Variants in CDH23 observed in about 807,000 individuals in gnomAD.
CDH23 encodes the protein cadherin-23.
CDH23 carries 189 observed loss-of-function variants against 317.1 expected under a neutral mutation model. That is an observed-to-expected ratio of 0.60 (90% CI 0.53 to 0.67). The LOEUF (loss-of-function observed/expected upper bound fraction) is 0.67, where lower values mean the gene tolerates loss of function less well. Ranked by LOEUF, CDH23 falls within the 30% of genes least tolerant of loss-of-function variation. The probability of loss-of-function intolerance (pLI) is 0.00; values close to 1 mark genes in which losing one functional copy is unlikely to be tolerated. For synonymous variants in CDH23, 1,839 were observed against 1,876.8 expected (o/e 0.98, Z 0.52); for missense variants, 4,401 against 4,592.4 (o/e 0.96, Z 1.20).
intron 22 of CDH23, among the ~76,000 whole-genome samples, chr10:71,698,745 C>T (rs1453249178): frequency 2.0e-5 from 3 of 152,222 alleles, no homozygotes; most frequent in Admixed American, 2.0e-4. Context: ...GTAGCTCTGA[C>T]CCCTCTCCAA....
chr10:71,483,264 C>G (rs1480339275), intron 3 of CDH23, among the ~76,000 whole-genome samples: 18 of 152,314 alleles, frequency 1.2e-4, no homozygotes, highest in Non-Finnish European at 7.3e-5. Flanking sequence ...AACATGCTCA[C>G]TTACCTATCC....
In CDH23 at chr10:71,682,542, C is replaced by T. The variant is rs876657436; in HGVS notation, c.1956C>T (p.Asn652=). ...MAMDAGNPPL[N]STVPVTIEVF... ...TGGATGCTGGCAACCCCCCTCTCAACAGCACCGTCCCTGTCACCATCGAGG... is the reference window on the plus strand; with the variant it reads ...TGGATGCTGGCAACCCCCCTCTCAATAGCACCGTCCCTGTCACCATCGAGG... The change falls in exon 18 of 70, where the codon AAC becomes AAT. Residue 652 remains asparagine, a synonymous_variant. Coordinates refer to ENST00000224721, the MANE Select transcript of CDH23 (RefSeq NM_022124.6). 6.2e-7 allele frequency: 1 copy of T among 1,613,698 alleles called. No individual in the cohort carries two copies. Among genetic ancestry groups the T allele is most frequent in the East Asian group, 2.2e-5 (1 of 44,888 alleles).
chr10:71,595,974 C>T (rs575025330), intron 9 of CDH23, among the ~76,000 whole-genome samples: 6 of 152,192 alleles, frequency 3.9e-5, no homozygotes, highest in Non-Finnish European at 7.3e-5. Context: ...CACCAACTGA[C>T]TTTCCTCCAT....
At chr10:71,470,299 C>T (rs1395835883) in intron 3 of CDH23, among the ~76,000 whole-genome samples, 2 of 152,132 alleles carry the variant, frequency 1.3e-5, no homozygotes, top group South Asian at 2.1e-4. Flanking sequence ...GTAAAATTTA[C>T]CATTTTAACC....
intron 38 of CDH23, among the ~76,000 whole-genome samples, chr10:71,768,669 G>A (rs529928136): frequency 1.1e-4 from 16 of 151,638 alleles, no homozygotes; most frequent in African/African-American, 3.4e-4. Context: ...ATGGGGTCTC[G>A]TTATGTTGTC....
intron 6 of CDH23, among the ~76,000 whole-genome samples, chr10:71,554,845 T>C (rs1290365967): frequency 6.6e-6 from 1 of 152,168 alleles, no homozygotes; most frequent in Non-Finnish European, 1.5e-5. Context: ...ATTTCCTGGA[T>C]GGAAACACTG....
At position 71,802,993 on chromosome 10, in the gene CDH23, C is replaced by G; in HGVS notation, c.7578C>G (p.Thr2526=). ...TSVYENEPAG[T]SVITMMATDQ... is the part of the protein sequence containing the mutation. ...TGTATGAGAATGAGCCGGCGGGCAC[C>G]TCGGTCATCACCATGATGGCCACTG... Residue 2526 remains threonine, a synonymous_variant, in exon 54 of 70, where the codon ACC becomes ACG. Transcript: ENST00000224721. 1 of 1,614,048 alleles carries G rather than the reference C, an allele frequency of 6.2e-7. No homozygotes were observed.
rs914390344 is a variant in CDH23, at chr10:71,679,404, C to T, written c.1770C>T (p.Ser590=). Residue 590 remains serine, a synonymous_variant, in exon 17 of 70, where the codon TCC becomes TCT. Transcript: ENST00000224721. ...LVRLRATDED[S]PPNNQITYSI... is the part of the protein sequence containing the mutation. ...CCTTTCAGGCAACAGATGAAGACTC[C>T]CCTCCCAACAACCAGATCACCTACA... 2.5e-6 allele frequency: 4 copies of T among 1,613,534 alleles called. No individual in the cohort carries two copies. Among genetic ancestry groups the T allele is most frequent in the Admixed American group, 1.7e-5 (1 of 59,958 alleles).
chr10:71,424,343 C>T lies in CDH23; in HGVS notation c.-5-15484C>T, dbSNP rs554055647. 3.3e-5 allele frequency among the ~76,000 whole-genome samples: 5 copies of T among 152,346 alleles called. 1 individual carries two copies. Among genetic ancestry groups the T allele is most frequent in the Admixed American group, 3.3e-4 (5 of 15,306 alleles). ...TTCTGGTCAAGCCCCCACTGCATGCCCCTTGCTCCTTTTAGAAGCTGTGAT... is the reference window on the plus strand; with the variant it reads ...TTCTGGTCAAGCCCCCACTGCATGCTCCTTGCTCCTTTTAGAAGCTGTGAT... On this transcript the variant is annotated intron_variant, in intron 1 of 69. Coordinates refer to ENST00000224721, the MANE Select transcript of CDH23 (RefSeq NM_022124.6).
intron 9 of CDH23, among the ~76,000 whole-genome samples, chr10:71,594,499 G>A (rs1278247493): frequency 3.3e-5 from 5 of 152,044 alleles, no homozygotes; most frequent in African/African-American, 4.8e-5. Context: ...TCAGCCTCCC[G>A]AGTAGCTGGG....
intron 34 of CDH23, chr10:71,737,739 G>A: frequency 2.1e-6 from 1 of 470,226 alleles, no homozygotes; most frequent in South Asian, 1.5e-5. Flanking sequence ...TGTGATTCCA[G>A]CCGCAGTGGC....
chr10:71,784,796 C>T (rs1261060817), intron 42 of CDH23, 95 bp from the exon 43 acceptor site: 4 of 925,500 alleles, frequency 4.3e-6, no homozygotes, highest in Non-Finnish European at 7.1e-6. Context: ...ACCCTCCCTC[C>T]CTCCATGCCG....
At position 71,812,470 on chromosome 10, in the gene CDH23, C is replaced by G; in HGVS notation, c.9381-10C>G. 1 of 1,613,722 alleles carries G rather than the reference C, an allele frequency of 6.2e-7. No individual in the cohort carries two copies. The highest frequency in any genetic ancestry group is 8.5e-7 in the Non-Finnish European group (1 of 1,179,868). On this transcript the variant is annotated splice_polypyrimidine_tract_variant and intron_variant, in intron 66 of 69. Coordinates refer to ENST00000224721, the MANE Select transcript of CDH23 (RefSeq NM_022124.6). ...CCTCCCTCCCCACCCTTTTCCCTCC[C>G]CAACTGCAGAGCCAACCCTGTGTGG...
chr10:71,534,381 G>A (rs775876550), intron 6 of CDH23, among the ~76,000 whole-genome samples: 4 of 152,188 alleles, frequency 2.6e-5, no homozygotes, highest in African/African-American at 7.2e-5. Flanking sequence ...AACCACCACA[G>A]CGCTATCACT....
chr10:71,773,612 G>A (rs1177063291), intron 38 of CDH23: 1 of 532,458 alleles, frequency 1.9e-6, no homozygotes. Flanking sequence ...GCCGTGTGGG[G>A]GAACTGCCTC....
At chr10:71,642,981 T>A (rs562193678) in intron 11 of CDH23, among the ~76,000 whole-genome samples, 83 of 152,360 alleles carry the variant, frequency 5.4e-4, no homozygotes, top group South Asian at 4.1e-3. Context: ...AACCCAGTGA[T>A]GCAAGTGCTC....
In CDH23 at chr10:71,566,729, C is replaced by T. The variant is rs555765517; in HGVS notation, c.430-13C>T. ...CTGGCTCACCCTTGTACTTGCTTTG[C>T]TCTCATCCCCAGAATACACCAGTGG... On this transcript the variant is annotated splice_polypyrimidine_tract_variant and intron_variant, in intron 6 of 69. Transcript: ENST00000224721. 10 of 1,578,280 alleles carry T rather than the reference C, an allele frequency of 6.3e-6. No homozygotes were observed. In the African/African-American group the frequency reaches 8.0e-5, roughly 13 times the overall value.
rs376203976 is a variant in CDH23 at position 71,417,665 on chromosome 10, A to G, written c.-6+20347A>G. Among the ~76,000 whole-genome samples, 7 of 152,350 alleles carry G rather than the reference A, an allele frequency of 4.6e-5. No individual in the cohort carries two copies. The South Asian group carries it at 1.0e-3, about 23-fold the overall frequency. On this transcript the variant is annotated intron_variant, in intron 1 of 69. Transcript: ENST00000224721. ...GTCTCTATCACCCAGGTTAGAGTGC[A>G]GTGGCACAATCTCAGCTCACTGCTA...
intron 3 of CDH23, among the ~76,000 whole-genome samples, chr10:71,488,703 G>A (rs1852484586): frequency 1.3e-5 from 2 of 152,172 alleles, no homozygotes; most frequent in African/African-American, 2.4e-5. Flanking sequence ...TGCCTTAAAC[G>A]GGACATATGT....
Sources: allele counts gnomAD v4.1 joint callset (sites outside exome capture counted in the v4.1 genomes callset), GRCh38; gene constraint gnomAD v4.1.1; transcripts MANE v1.5; gene names NCBI Gene and HGNC (gene_info 2026-07-23, HGNC 2026-07-21).